Variants in ANXA5 observed in about 807,000 individuals in gnomAD.
ANXA5 encodes annexin A5.
Under a neutral mutation model 48.1 loss-of-function variants are expected in ANXA5, and 40 were observed. The observed-to-expected ratio is 0.83, with a 90% confidence interval of 0.65 to 1.08. The LOEUF (loss-of-function observed/expected upper bound fraction) is 1.08. Ranked by LOEUF, ANXA5 falls within the 50% of genes least tolerant of loss-of-function variation. The pLI, the probability that ANXA5 is intolerant of heterozygous loss-of-function variation, is 0.00. For synonymous variants in ANXA5, 113 were observed against 129.1 expected (o/e 0.88, Z 0.85); for missense variants, 357 against 376.8 (o/e 0.95, Z 0.44).
intron 2 of ANXA5, among the ~76,000 whole-genome samples, chr4:121,687,139 C>G (rs1724906205): frequency 6.6e-6 from 1 of 151,860 alleles, no homozygotes; most frequent in Non-Finnish European, 1.5e-5. Context: ...AACCCCATCT[C>G]TACTAAAAAA....
rs1489876328 is a variant in ANXA5 at position 121,695,465 on chromosome 4, T to A, written c.9+1116A>T. 3.3e-5 allele frequency among the ~76,000 whole-genome samples: 5 copies of A among 152,142 alleles called. No individual in the cohort carries two copies. The East Asian group carries it at 9.6e-4, about 29-fold the overall frequency. On this transcript the variant is annotated intron_variant, in intron 2 of 12. Coordinates refer to ENST00000296511, the MANE Select transcript of ANXA5 (RefSeq NM_001154.4). ...GTTAAAACACTTGTTTAAAAAAAAC[T>A]ATCTGGACTCTGACAAGCCGGTTAG...
At chr4:121,677,985 A>T (rs779697060) in intron 7 of ANXA5, 35 bp from the exon 8 acceptor site, 25 of 1,564,084 alleles carry the variant, frequency 1.6e-5, no homozygotes, top group Non-Finnish European at 2.0e-5. Context: ...ACTGAACTAT[A>T]GAGCATTCTC....
chr4:121,696,879 A>C lies in ANXA5; in HGVS notation c.-52T>G. The C allele has an allele frequency of 6.2e-6, 2 of 320,550 alleles. No homozygotes were observed. The highest frequency in any genetic ancestry group is 4.7e-5 in the East Asian group (1 of 21,066). 19.9% of individuals were successfully genotyped at this position (320,550 alleles called of 1,614,324 possible). A position where few individuals can be genotyped will look rare whatever the true frequency, so the allele number is the denominator to read the frequency against. On this transcript the variant is annotated 5_prime_UTR_variant, in exon 1 of 13. Transcript: ENST00000296511. ...ACCACTCACCCAGACTGTGGGACCCAAGTGCCCCGAAACCCCGGGAGAGCG... is the reference window on the plus strand; with the variant it reads ...ACCACTCACCCAGACTGTGGGACCCCAGTGCCCCGAAACCCCGGGAGAGCG...
At chr4:121,669,554 C>A (rs754554101) in intron 12 of ANXA5, 48 bp downstream of exon 12, 5 of 1,607,530 alleles carry the variant, frequency 3.1e-6, no homozygotes, top group Non-Finnish European at 4.3e-6. Context: ...TGCAACATAC[C>A]AGTCTGCTTT....
At chr4:121,690,518 G>A (rs558181538) in intron 2 of ANXA5, among the ~76,000 whole-genome samples, 2 of 152,212 alleles carry the variant, frequency 1.3e-5, no homozygotes, top group East Asian at 1.9e-4. Flanking sequence ...TGAATTGAGG[G>A]AAAGACGGTC....
At chr4:121,670,912 C>T (rs1724601618) in intron 10 of ANXA5, among the ~76,000 whole-genome samples, 1 of 152,060 alleles carries the variant, frequency 6.6e-6, no homozygotes, top group Non-Finnish European at 1.5e-5. Flanking sequence ...ATACTTGGAA[C>T]AAACAGCAGA....
chr4:121,695,362 C>A (rs925096960), intron 2 of ANXA5, among the ~76,000 whole-genome samples: 1 of 152,064 alleles, frequency 6.6e-6, no homozygotes, highest in Non-Finnish European at 1.5e-5. Context: ...TTGGAAAGGA[C>A]CAAGAAACCT....
At chr4:121,692,192 G>C (rs28602805) in intron 2 of ANXA5, among the ~76,000 whole-genome samples, 1 of 151,742 alleles carries the variant, frequency 6.6e-6, no homozygotes, top group African/African-American at 2.4e-5. Flanking sequence ...AAATGCAAGG[G>C]AAAAAAAACA....
At chr4:121,669,404 C>G in intron 12 of ANXA5, 198 bp downstream of exon 12, 1 of 653,500 alleles carries the variant, frequency 1.5e-6, no homozygotes, top group Non-Finnish European at 2.6e-6. Flanking sequence ...TCAGCCACAT[C>G]AATACCCATG....
chr4:121,692,833 A>T (rs765108589), intron 2 of ANXA5, among the ~76,000 whole-genome samples: 3 of 152,238 alleles, frequency 2.0e-5, no homozygotes, highest in Non-Finnish European at 2.9e-5. Flanking sequence ...TAAATCTTAG[A>T]TCCATTTCCC....
chr4:121,691,268 T>C (rs1383232), intron 2 of ANXA5, among the ~76,000 whole-genome samples: 63,437 of 151,768 alleles, frequency 0.42, 15,471 homozygotes, highest in East Asian at 0.73. Context: ...TATAATTTTG[T>C]TGGCTTTTTT....
chr4:121,696,097 G>A (rs1021664650), intron 2 of ANXA5, among the ~76,000 whole-genome samples: 1 of 141,030 alleles, frequency 7.1e-6, no homozygotes, highest in African/African-American at 2.6e-5. Flanking sequence ...AAACTGGGCT[G>A]AGCAACTGGA....
chr4:121,694,505 C>T lies in ANXA5; in HGVS notation c.9+2076G>A, dbSNP rs183016646. Among the ~76,000 whole-genome samples the T allele has an allele frequency of 2.8e-3, 429 of 151,886 alleles. 1 individual carries two copies. Among genetic ancestry groups the T allele is most frequent in the Admixed American group, 6.7e-3 (103 of 15,262 alleles). The stretch of plus-strand genomic sequence containing the variant: ...GTTCAAGTGATTCTCCTGCCTCAGC[C>T]TCCCGAGTAGCTGGGATTACAGTTG... On this transcript the variant is annotated intron_variant, in intron 2 of 12. Coordinates refer to ENST00000296511, the MANE Select transcript of ANXA5 (RefSeq NM_001154.4).
chr4:121,669,593 T>A lies in ANXA5; in HGVS notation c.903+9A>T, dbSNP rs1724577619. On this transcript the variant is annotated intron_variant, in intron 12 of 12. Transcript: ENST00000296511. ...TTCCCAAACGTAATTTAAAGAAAGG[T>A]TCTACTACCTTAATCATGGAATAAA... 6.2e-7 allele frequency: 1 copy of A among 1,612,056 alleles called. No individual in the cohort carries two copies. Among genetic ancestry groups the A allele is most frequent in the Non-Finnish European group, 8.5e-7 (1 of 1,179,248 alleles).
intron 2 of ANXA5, among the ~76,000 whole-genome samples, chr4:121,689,985 C>T (rs558356392): frequency 6.6e-6 from 1 of 152,150 alleles, no homozygotes; most frequent in Admixed American, 6.5e-5. Context: ...CAGCATACGC[C>T]GGTAGTAGCT....
chr4:121,680,172 T>TA (rs1414553549), intron 6 of ANXA5, among the ~76,000 whole-genome samples: 1 of 152,214 alleles, frequency 6.6e-6, no homozygotes, highest in Non-Finnish European at 1.5e-5. Flanking sequence ...CCTAGCTTAT[T>TA]TCACTTTGCA....
In ANXA5 at chr4:121,683,472, A is replaced by C; in HGVS notation, c.195T>G (p.Leu65=). The C allele has an allele frequency of 6.3e-7, 1 of 1,585,898 alleles. No individual in the cohort carries two copies. The highest frequency in any genetic ancestry group is 8.6e-7 in the Non-Finnish European group (1 of 1,156,280). The part of the protein sequence containing the change: ...AAFKTLFGRD[L]LDDLKSELTG... ...TTAGTTCTGATTTCAGGTCATCCAG[A>C]AGATCCTAACCCACAGAAAATACAA... is the stretch of plus-strand genomic sequence containing the variant. The change falls in exon 5 of 13, where the codon CTT becomes CTG. Residue 65 remains leucine (L), a synonymous_variant. Transcript: ENST00000296511.
chr4:121,682,243 C>T (rs1397594692), intron 5 of ANXA5, among the ~76,000 whole-genome samples: 1 of 152,074 alleles, frequency 6.6e-6, no homozygotes, highest in East Asian at 1.9e-4. Flanking sequence ...GAAAATTCTA[C>T]ATCAAAGGTA....
intron 2 of ANXA5, among the ~76,000 whole-genome samples, chr4:121,692,405 T>C (rs1725003096): frequency 6.6e-6 from 1 of 152,242 alleles, no homozygotes; most frequent in Non-Finnish European, 1.5e-5. Flanking sequence ...GTGCTCAAGT[T>C]GCCCAAGAAT....
Sources: gnomAD v4.1 joint callset for allele counts (sites outside exome capture counted in the v4.1 genomes callset) on GRCh38, gnomAD v4.1.1 for gene constraint, MANE v1.5 for transcripts, NCBI Gene and HGNC (gene_info 2026-07-23, HGNC 2026-07-21) for gene names.